Variants in ALMS1 observed in about 807,000 individuals in gnomAD.
ALMS1 encodes centrosome-associated protein ALMS1.
In ALMS1, 271 loss-of-function variants were observed where a neutral mutation model predicts 352.2. The observed-to-expected ratio is 0.77, with a 90% CI of 0.70 to 0.85. The LOEUF (loss-of-function observed/expected upper bound fraction) is 0.85, where lower values mean the gene tolerates loss of function less well. ALMS1 is among the 40% of genes least tolerant of loss of function. The probability of loss-of-function intolerance (pLI) is 0.00; values close to 1 mark genes in which losing one functional copy is unlikely to be tolerated. For synonymous variants in ALMS1, 1,865 were observed against 1,761.2 expected, an observed-to-expected ratio of 1.06 and a Z score of -1.48; for missense variants, 5,445 against 4,870.7, an observed-to-expected ratio of 1.12 and a Z score of -3.51.
chr2:73,437,921 A>G (rs1173205905), intron 7 of ALMS1, among the ~76,000 whole-genome samples: 1 of 152,158 alleles, frequency 6.6e-6, no homozygotes, highest in African/African-American at 2.4e-5. Flanking sequence ...AAATTATTCA[A>G]ACAAGCCAAT....
At chr2:73,603,057 G>C (rs1367430050) in intron 20 of ALMS1, among the ~76,000 whole-genome samples, 184 bp from the exon 21 acceptor site, 1 of 152,128 alleles carries the variant, frequency 6.6e-6, no homozygotes, top group Non-Finnish European at 1.5e-5. Context: ...AGGTCCTTAG[G>C]GCCTTAGGCT....
chr2:73,488,988 C>T (rs1370038196), intron 9 of ALMS1, among the ~76,000 whole-genome samples: 1 of 152,066 alleles, frequency 6.6e-6, no homozygotes, highest in African/African-American at 2.4e-5. Context: ...TTTATTTTTT[C>T]ACGTCATTGT....
chr2:73,572,794 A>G lies in ALMS1; in HGVS notation c.10917A>G (p.Pro3639=). The G allele has an allele frequency of 6.2e-7, 1 of 1,614,106 alleles. No individual in the cohort carries two copies. Among genetic ancestry groups the G allele is most frequent in the Non-Finnish European group, 8.5e-7 (1 of 1,179,990 alleles). ...GTTTGGCTAAAATTCTTCAGAATCC[A>G]ATCACACATTCTCTCCAGGTCTCAG... ...LDRLAKILQN[P]ITHSLQVSES... The change falls in exon 16 of 23, where the codon CCA becomes CCG. Residue 3639 remains proline, a synonymous_variant. Coordinates refer to ENST00000613296, the MANE Select transcript of ALMS1 (RefSeq NM_001378454.1).
At chr2:73,508,145 T>G (rs2103936281) in intron 10 of ALMS1, among the ~76,000 whole-genome samples, 1 of 131,666 alleles carries the variant, frequency 7.6e-6, no homozygotes, top group East Asian at 1.9e-4. Flanking sequence ...CCCTTTCCCT[T>G]TCCTTTCCTT....
chr2:73,608,392 G>T, intron 21 of ALMS1, 83 bp from the exon 22 acceptor site: 1 of 1,075,538 alleles, frequency 9.3e-7, no homozygotes. Flanking sequence ...GAGGTATAGG[G>T]AGGGATGATG....
intron 10 of ALMS1, among the ~76,000 whole-genome samples, chr2:73,500,916 G>A (rs932746669): frequency 7.9e-5 from 12 of 152,116 alleles, no homozygotes; most frequent in Admixed American, 5.9e-4. Flanking sequence ...CGCTAACCTG[G>A]AACTGGAACC....
At chr2:73,390,466 A>G (rs1219302069) in intron 1 of ALMS1, among the ~76,000 whole-genome samples, 1 of 152,248 alleles carries the variant, frequency 6.6e-6, no homozygotes, top group Non-Finnish European at 1.5e-5. Flanking sequence ...TAGTGGTGTT[A>G]TATAAGGCAG....
chr2:73,534,039 G>A (rs931564053), intron 11 of ALMS1, among the ~76,000 whole-genome samples: 5 of 152,046 alleles, frequency 3.3e-5, no homozygotes, highest in Non-Finnish European at 7.4e-5. Flanking sequence ...TAGGCTAAGA[G>A]TTGACTATAT....
chr2:73,606,416 A>G (rs930140240), intron 21 of ALMS1, among the ~76,000 whole-genome samples: 12 of 152,190 alleles, frequency 7.9e-5, no homozygotes, highest in African/African-American at 2.7e-4. Context: ...TGGGGCAGCT[A>G]CTAATACTCT....
chr2:73,579,919 C>G (rs1268927502), intron 16 of ALMS1, among the ~76,000 whole-genome samples: 1 of 152,132 alleles, frequency 6.6e-6, no homozygotes, highest in African/African-American at 2.4e-5. Flanking sequence ...ATGTTTTCCC[C>G]TTATCAAGTT....
At chr2:73,391,777 A>C (rs539180344) in intron 1 of ALMS1, among the ~76,000 whole-genome samples, 2 of 152,194 alleles carry the variant, frequency 1.3e-5, no homozygotes, top group African/African-American at 4.8e-5. Flanking sequence ...CTTGACATCA[A>C]TATTATGCCA....
Position 73,451,878 on chromosome 2 carries a change from A to G in ALMS1, c.5351A>G (p.Lys1784Arg), listed in dbSNP as rs1370649660. 6.2e-7 allele frequency: 1 copy of G among 1,613,596 alleles called. No homozygotes were observed. The highest frequency in any genetic ancestry group is 1.3e-5 in the African/African-American group (1 of 74,858). The part of the protein sequence containing the change: ...PDSHLTEEAL[K>R]VSNVPGPADQ... ...AGTCATCTAACTGAAGAGGCTCTGA[A>G]AGTTTCAAATGTTCCTGGACCAGCT... The change falls in exon 8 of 23, where the codon AAA becomes AGA. Residue 1784 changes from lysine (K) to arginine (R), a missense_variant. Transcript: ENST00000613296.
chr2:73,604,086 A>T (rs1425771294), intron 21 of ALMS1: 1 of 152,168 alleles, frequency 6.6e-6, no homozygotes, highest in African/African-American at 2.4e-5. Flanking sequence ...GCCTATGTAG[A>T]TGTGTGTACT....
intron 16 of ALMS1, among the ~76,000 whole-genome samples, chr2:73,597,102 A>G (rs2104181072): frequency 6.6e-6 from 1 of 152,168 alleles, no homozygotes; most frequent in East Asian, 1.9e-4. Flanking sequence ...GATGTCTCCC[A>G]GCAATGTTTT....
At chr2:73,394,626 A>G (rs1264064282) in intron 1 of ALMS1, among the ~76,000 whole-genome samples, 2 of 152,238 alleles carry the variant, frequency 1.3e-5, no homozygotes, top group Non-Finnish European at 2.9e-5. Flanking sequence ...CTGGGATTGC[A>G]GGCGTGAGCC....
At chr2:73,465,399 A>G (rs1158873042) in intron 9 of ALMS1, among the ~76,000 whole-genome samples, 8 of 152,170 alleles carry the variant, frequency 5.3e-5, no homozygotes, top group Non-Finnish European at 1.0e-4. Context: ...AGGATTCCCT[A>G]TTTAATAAAT....
At chr2:73,472,496 A>G (rs1672487880) in intron 9 of ALMS1, among the ~76,000 whole-genome samples, 1 of 152,074 alleles carries the variant, frequency 6.6e-6, no homozygotes, top group South Asian at 2.1e-4. Context: ...TTGTGAGAAA[A>G]GTCATATAAT....
At chr2:73,404,759 A>G (rs555864703) in intron 1 of ALMS1, among the ~76,000 whole-genome samples, 1 of 152,168 alleles carries the variant, frequency 6.6e-6, no homozygotes, top group South Asian at 2.1e-4. Context: ...TGACTTTGGT[A>G]TCAGGATAAT....
At chr2:73,572,220 A>C (rs755704295) in intron 15 of ALMS1, 42 bp from the exon 16 acceptor site, 5 of 1,521,872 alleles carry the variant, frequency 3.3e-6, no homozygotes, top group Non-Finnish European at 4.5e-6. Context: ...ACAGAATGCT[A>C]ATTTTTTAAG....
Sources: allele counts gnomAD v4.1 joint callset (sites outside exome capture counted in the v4.1 genomes callset), GRCh38; gene constraint gnomAD v4.1.1; transcripts MANE v1.5; gene names NCBI Gene and HGNC (gene_info 2026-07-23, HGNC 2026-07-21).